Variants in LRCH1 observed in about 807,000 individuals in gnomAD.
LRCH1 encodes leucine-rich repeat and calponin homology domain-containing protein 1.
LRCH1 carries 23 observed loss-of-function variants against 94.9 expected under a neutral mutation model. The ratio of observed to expected loss-of-function variants is 0.24; its 90% CI spans 0.17 to 0.34. The LOEUF is 0.34. Ranked by LOEUF, LRCH1 falls within the 10% of genes least tolerant of loss-of-function variation. LRCH1 has a pLI of 1.00. For missense variants in LRCH1, 790 were observed against 945.9 expected, an observed-to-expected ratio of 0.84 and a Z score of 2.16; for synonymous variants, 364 against 354.9, an observed-to-expected ratio of 1.03 and a Z score of -0.29.
Position 46,705,610 on chromosome 13 carries a change from C to G in LRCH1, c.1527+306C>G. ...CAACTAAAATACATAGGGAATCTGC[C>G]TGTGTGTCAGAACCTGGAGGAGGAC... is the stretch of plus-strand genomic sequence containing the variant. On this transcript the variant is annotated intron_variant, in intron 13 of 19. Transcript: ENST00000389797. 3 of 510,340 alleles carry G rather than the reference C, an allele frequency of 5.9e-6. No homozygotes were observed. The South Asian group carries it at 6.1e-5, about 10-fold the overall frequency. The allele number at this position is 510,340 out of a possible 1,614,324, so 31.6% of individuals were successfully genotyped here. A position where few individuals can be genotyped will look rare whatever the true frequency, so the allele number is the denominator to read the frequency against.
intron 2 of LRCH1, among the ~76,000 whole-genome samples, chr13:46,660,876 T>C (rs2051439476): frequency 1.3e-5 from 2 of 152,324 alleles, no homozygotes; most frequent in Admixed American, 1.3e-4. Context: ...TTAGATGTCC[T>C]AGTGACCCTC....
chr13:46,710,516 A>G (rs527335532), intron 13 of LRCH1, among the ~76,000 whole-genome samples: 2 of 152,226 alleles, frequency 1.3e-5, no homozygotes, highest in South Asian at 4.1e-4. Context: ...TGGCTCATAC[A>G]TAAATATCGA....
At chr13:46,737,532 TC>T (rs1197424923) in intron 19 of LRCH1, among the ~76,000 whole-genome samples, 2 of 152,224 alleles carry the variant, frequency 1.3e-5, no homozygotes, top group Non-Finnish European at 2.9e-5. Context: ...CCATCCCACA[TC>T]CCTTTGTGCT....
At chr13:46,584,112 G>C (rs1463559180) in intron 1 of LRCH1, among the ~76,000 whole-genome samples, 1 of 152,120 alleles carries the variant, frequency 6.6e-6, no homozygotes, top group African/African-American at 2.4e-5. Context: ...TAGGCAATGG[G>C]ATTTGTACTG....
intron 17 of LRCH1, 34 bp from the exon 18 acceptor site, chr13:46,728,813 A>T: frequency 6.4e-7 from 1 of 1,569,620 alleles, no homozygotes; most frequent in Non-Finnish European, 8.7e-7. Flanking sequence ...CTCAGTGTTC[A>T]TATTAACTGG....
intron 15 of LRCH1, among the ~76,000 whole-genome samples, chr13:46,713,080 T>A (rs1872154178): frequency 6.6e-6 from 1 of 152,236 alleles, no homozygotes; most frequent in Admixed American, 6.5e-5. Context: ...GTTACTTTTT[T>A]AAAAAGTCTT....
In LRCH1 at chr13:46,700,186, AT is replaced by A. The variant is rs1208178496; in HGVS notation, c.1313+788del. 3.3e-5 allele frequency among the ~76,000 whole-genome samples: 5 copies of A among 152,272 alleles called. No homozygotes were observed. The East Asian group carries it at 7.7e-4, about 23-fold the overall frequency. ...ATAGAGTATAGTTTTTGTTCCCAGGATTTTTATTTCTATAATCTGGGAGGCA... is the reference window on the plus strand; with the variant it reads ...ATAGAGTATAGTTTTTGTTCCCAGGATTTTATTTCTATAATCTGGGAGGCA... On this transcript the variant is annotated intron_variant, in intron 10 of 19. Transcript: ENST00000389797.
intron 13 of LRCH1, among the ~76,000 whole-genome samples, chr13:46,708,140 C>T (rs1262018788): frequency 6.6e-6 from 1 of 152,142 alleles, no homozygotes; most frequent in African/African-American, 2.4e-5. Context: ...AGAAGAAGAG[C>T]GGCCATTATA....
At chr13:46,626,428 C>T (rs2050950690) in intron 1 of LRCH1, among the ~76,000 whole-genome samples, 1 of 152,176 alleles carries the variant, frequency 6.6e-6, no homozygotes, top group Non-Finnish European at 1.5e-5. Context: ...TTCTGCCCCA[C>T]CCTAACTGAT....
At chr13:46,657,645 C>A (rs558937723) in intron 2 of LRCH1, among the ~76,000 whole-genome samples, 1 of 140,538 alleles carries the variant, frequency 7.1e-6, no homozygotes, top group East Asian at 2.1e-4. Context: ...TCCATTTCAG[C>A]CTCACTAGTA....
chr13:46,711,626 G>A (rs1171529612), intron 13 of LRCH1, among the ~76,000 whole-genome samples, 165 bp from the exon 14 acceptor site: 2 of 152,194 alleles, frequency 1.3e-5, no homozygotes, highest in African/African-American at 4.8e-5. Context: ...CAGAACGTAT[G>A]AGTATGGTCT....
chr13:46,681,766 C>T lies in LRCH1; in HGVS notation c.605C>T (p.Ala202Val), dbSNP rs370500229. 63 of 1,613,106 alleles carry T rather than the reference C, an allele frequency of 3.9e-5. No individual in the cohort carries two copies. The highest frequency in any genetic ancestry group is 1.3e-4 in the East Asian group (6 of 44,878). ...ELDVSCNEIT[A>V]LPQQIGQLKS... ...GATGTCAGCTGCAACGAGATCACAG[C>T]GTTGCCCCAGCAGATAGGTCAGTTG... Residue 202 changes from alanine (A) to valine (V), a missense_variant, in exon 4 of 20, where the codon GCG becomes GTG. Transcript: ENST00000389797.
intron 2 of LRCH1, among the ~76,000 whole-genome samples, chr13:46,667,244 G>A (rs549678576): frequency 6.6e-6 from 1 of 152,266 alleles, no homozygotes; most frequent in African/African-American, 2.4e-5. Flanking sequence ...AGATATCAAG[G>A]TGTTGACAAG....
At chr13:46,747,647 T>C (rs1299634402), downstream of LRCH1, among the ~76,000 whole-genome samples, 1 of 152,212 alleles carries the variant, frequency 6.6e-6, no homozygotes, top group Admixed American at 6.5e-5. Flanking sequence ...CATTCAAAAA[T>C]TGCTGTTCAC....
intron 1 of LRCH1, among the ~76,000 whole-genome samples, chr13:46,602,962 GCATACATACATGCATGCATACATA>G (rs2050644771): frequency 8.3e-6 from 1 of 120,046 alleles, no homozygotes; most frequent in Admixed American, 8.9e-5. Flanking sequence ...ATACATACAT[GCATACATACATGCATGCATACATA>G]CATACATACA....
intron 7 of LRCH1, 109 bp from the exon 8 acceptor site, chr13:46,692,427 C>T: frequency 3.9e-6 from 3 of 775,908 alleles, no homozygotes; most frequent in Non-Finnish European, 6.2e-6. Flanking sequence ...AACTTATATT[C>T]AATATGATAT....
At chr13:46,719,021 TG>T (rs1225490734) in intron 16 of LRCH1, among the ~76,000 whole-genome samples, 11 of 152,300 alleles carry the variant, frequency 7.2e-5, no homozygotes, top group African/African-American at 2.7e-4. Flanking sequence ...AGTACATAAA[TG>T]GTTTCTTGTA....
rs2050024637 is a variant in LRCH1, at chr13:46,553,523, G to C, written c.127G>C (p.Gly43Arg). 1 of 1,546,236 alleles carries C rather than the reference G, an allele frequency of 6.5e-7. No individual in the cohort carries two copies. The highest frequency in any genetic ancestry group is 1.2e-5 in the South Asian group (1 of 83,844). The change falls in exon 1 of 20, where the codon GGC (glycine) becomes CGC (arginine). Residue 43 changes from glycine to arginine, a missense_variant. By Grantham distance (125) the Gly-to-Arg change is moderately radical (BLOSUM62 -2). Around this residue, in one of 3 missense-constraint regions of LRCH1, gnomAD observed 136 missense variants for 143.5 expected, o/e 0.95. Transcript: ENST00000389797. The part of the protein sequence containing the change: ...HQHHGGTGAP[G>R]GAGGGGGGSG... ...GCACCACGGAGGAACCGGCGCCCCC[G>C]GCGGGGCGGGTGGTGGCGGCGGTGG...
chr13:46,559,267 A>G (rs1202202265), intron 1 of LRCH1, among the ~76,000 whole-genome samples: 7 of 152,194 alleles, frequency 4.6e-5, no homozygotes, highest in African/African-American at 1.7e-4. Flanking sequence ...CCAGTTTTGA[A>G]TTATCGTTCT....
Sources: gnomAD v4.1 joint callset for allele counts (sites outside exome capture counted in the v4.1 genomes callset) on GRCh38, gnomAD v4.1.1 for gene constraint, gnomAD v4.1.1 regional missense constraint, MANE v1.5 for transcripts, NCBI Gene and HGNC (gene_info 2026-07-23, HGNC 2026-07-21) for gene names.